BMERB1: variants seen among roughly 807,000 people sequenced by gnomAD.
BMERB1 encodes the protein bMERB domain containing 1, also known as bMERB domain-containing protein 1.
A neutral mutation model predicts 23.6 loss-of-function variants in BMERB1; 12 were observed. The observed-to-expected ratio is 0.51, with a 90% confidence interval of 0.33 to 0.82. The LOEUF (loss-of-function observed/expected upper bound fraction) is 0.82. BMERB1 is among the 40% of genes least tolerant of loss of function. The pLI, the probability that BMERB1 is intolerant of heterozygous loss-of-function variation, is 0.03. For synonymous variants in BMERB1, 122 were observed against 96.6 expected (o/e 1.26, Z -1.54); for missense variants, 247 against 255.4 (o/e 0.97, Z 0.22).
rs112949416 is a variant in BMERB1 at position 15,482,677 on chromosome 16, G to A, written c.107-32628G>A. Among the ~76,000 whole-genome samples, 534 of 152,238 alleles carry A rather than the reference G, an allele frequency of 3.5e-3. 2 individuals are homozygous for A. The highest frequency in any genetic ancestry group is 0.012 in the African/African-American group (507 of 41,530). On this transcript the variant is annotated intron_variant, in intron 1 of 5. Transcript: ENST00000300006. ...ACAAAGCAAAGCAAGGCGACTTCTG[G>A]GGGCTGCCGTGTAGGATTCTCCCAT...
intron 1 of BMERB1, among the ~76,000 whole-genome samples, chr16:15,450,437 G>C (rs2051031988): frequency 6.6e-6 from 1 of 152,060 alleles, no homozygotes; most frequent in African/African-American, 2.4e-5. Flanking sequence ...CCCTACCCTA[G>C]ACAAATAATA....
intron 1 of BMERB1, among the ~76,000 whole-genome samples, chr16:15,457,859 G>T (rs1251252235): frequency 6.6e-6 from 1 of 152,174 alleles, no homozygotes; most frequent in East Asian, 1.9e-4. Context: ...CATGGCTGGG[G>T]AGGCCTCAGG....
intron 1 of BMERB1, among the ~76,000 whole-genome samples, chr16:15,497,061 CA>C (rs1347560795): frequency 6.6e-6 from 1 of 152,138 alleles, no homozygotes; most frequent in Non-Finnish European, 1.5e-5. Context: ...CTTAGAGCCC[CA>C]AGAAGGACAG....
At chr16:15,503,429 C>CT (rs2051550855) in intron 1 of BMERB1, among the ~76,000 whole-genome samples, 1 of 150,178 alleles carries the variant, frequency 6.7e-6, no homozygotes, top group Non-Finnish European at 1.5e-5. Context: ...CTACAGGCGC[C>CT]TGCCACCACG....
At chr16:15,527,565 A>T (rs2051922058) in intron 2 of BMERB1, among the ~76,000 whole-genome samples, 1 of 152,176 alleles carries the variant, frequency 6.6e-6, no homozygotes, top group African/African-American at 2.4e-5. Context: ...AGGTTGTGCC[A>T]CTGCACTCTA....
At chr16:15,499,518 G>C (rs2051506667) in intron 1 of BMERB1, among the ~76,000 whole-genome samples, 1 of 152,176 alleles carries the variant, frequency 6.6e-6, no homozygotes, top group Non-Finnish European at 1.5e-5. Flanking sequence ...AGGTCACAGA[G>C]GAAGAGCATG....
At chr16:15,580,254 A>C (rs1596404243) in intron 3 of BMERB1, among the ~76,000 whole-genome samples, 1 of 150,724 alleles carries the variant, frequency 6.6e-6, no homozygotes, top group African/African-American at 2.4e-5. Flanking sequence ...ACTCCATCAC[A>C]TGTGGCTAAT....
chr16:15,443,105 A>T (rs903856302), intron 1 of BMERB1, among the ~76,000 whole-genome samples: 2 of 152,180 alleles, frequency 1.3e-5, no homozygotes, highest in African/African-American at 2.4e-5. Flanking sequence ...AAAATTAGCC[A>T]GGCATAGTGG....
At chr16:15,449,540 T>C (rs1315334335) in intron 1 of BMERB1, among the ~76,000 whole-genome samples, 1 of 152,050 alleles carries the variant, frequency 6.6e-6, no homozygotes, top group Non-Finnish European at 1.5e-5. Flanking sequence ...TTTTTTTTCT[T>C]TTTCTTTAAT....
chr16:15,460,295 G>A (rs2051123325), intron 1 of BMERB1, among the ~76,000 whole-genome samples: 1 of 152,082 alleles, frequency 6.6e-6, no homozygotes, highest in Non-Finnish European at 1.5e-5. Flanking sequence ...ATGGGAGTTG[G>A]GTACGTAGGT....
At chr16:15,444,967 GCTCTTGCAAGC>G (rs923468436) in intron 1 of BMERB1, among the ~76,000 whole-genome samples, 1 of 152,162 alleles carries the variant, frequency 6.6e-6, no homozygotes, top group African/African-American at 2.4e-5. Context: ...CACAATCACA[GCTCTTGCAAGC>G]CTCAACCTCC....
rs1222062284 is a variant in BMERB1 at position 15,436,864 on chromosome 16, G to A, written c.106+2105G>A. On this transcript the variant is annotated intron_variant, in intron 1 of 5. Coordinates refer to ENST00000300006, the MANE Select transcript of BMERB1 (RefSeq NM_033201.3). Reference sequence around the variant, plus strand: ...CATTTAGTCCCCTCAACAACCTCCTGCAGTACTAAGATTTATAAATTTAAA... The same window carrying A: ...CATTTAGTCCCCTCAACAACCTCCTACAGTACTAAGATTTATAAATTTAAA... 2.0e-5 allele frequency among the ~76,000 whole-genome samples: 3 copies of A among 151,380 alleles called. No individual in the cohort carries two copies. In the East Asian group the frequency reaches 5.8e-4, roughly 29 times the overall value.
chr16:15,495,249 G>T (rs979518027), intron 1 of BMERB1, among the ~76,000 whole-genome samples: 1 of 151,054 alleles, frequency 6.6e-6, no homozygotes, highest in African/African-American at 2.4e-5. Context: ...TCTGTTGCCT[G>T]TTGCCAGGCT....
intron 2 of BMERB1, among the ~76,000 whole-genome samples, chr16:15,562,041 C>T (rs901036756): frequency 6.6e-6 from 1 of 151,598 alleles, no homozygotes; most frequent in Admixed American, 6.6e-5. Context: ...GGTGCGGTGG[C>T]TCACGCCTAT....
intron 3 of BMERB1, among the ~76,000 whole-genome samples, chr16:15,578,936 A>G (rs751384363): frequency 3.3e-5 from 5 of 152,186 alleles, no homozygotes; most frequent in African/African-American, 9.6e-5. Context: ...GCATTGGCCA[A>G]TGACTTGGAG....
intron 2 of BMERB1, among the ~76,000 whole-genome samples, chr16:15,558,663 A>C (rs148959890): frequency 6.6e-6 from 1 of 152,186 alleles, no homozygotes; most frequent in East Asian, 1.9e-4. Context: ...GTGACATATG[A>C]CATATATGTA....
chr16:15,547,341 T>G (rs1167951233), intron 2 of BMERB1, among the ~76,000 whole-genome samples: 1 of 147,352 alleles, frequency 6.8e-6, no homozygotes, highest in South Asian at 2.1e-4. Flanking sequence ...TTTTTTCTTC[T>G]TCTTTTTTTT....
chr16:15,483,500 C>G (rs2051341740), intron 1 of BMERB1, among the ~76,000 whole-genome samples: 1 of 152,148 alleles, frequency 6.6e-6, no homozygotes, highest in Admixed American at 6.6e-5. Context: ...CTGCCTCAGC[C>G]TCTCAAGTAG....
At chr16:15,437,061 C>A (rs1022649709) in intron 1 of BMERB1, among the ~76,000 whole-genome samples, 1 of 152,080 alleles carries the variant, frequency 6.6e-6, no homozygotes, top group Non-Finnish European at 1.5e-5. Context: ...ATTTGAACCC[C>A]GGTCTGTTGG....
Sources: gnomAD v4.1 joint callset for allele counts (sites outside exome capture counted in the v4.1 genomes callset) on GRCh38, gnomAD v4.1.1 for gene constraint, MANE v1.5 for transcripts, NCBI Gene and HGNC (gene_info 2026-07-23, HGNC 2026-07-21) for gene names.